The following MGA variants were observed in gnomAD, a reference collection of about 807,000 sequenced individuals.
MGA encodes the protein MAX gene-associated protein.
A neutral mutation model predicts 261.1 loss-of-function variants in MGA; 40 were observed. The observed-to-expected ratio is 0.15, with a 90% CI of 0.12 to 0.20. The LOEUF (loss-of-function observed/expected upper bound fraction) is 0.20. Ranked by LOEUF, MGA falls within the 10% of genes least tolerant of loss-of-function variation. MGA has a pLI of 1.00. For missense variants in MGA, 3,397 were observed against 3,630.5 expected (o/e 0.94, Z 1.65); for synonymous variants, 1,302 against 1,290.6 (o/e 1.01, Z -0.19).
chr15:41,667,509 G>A (rs2057817119), intron 1 of MGA, among the ~76,000 whole-genome samples: 1 of 152,042 alleles, frequency 6.6e-6, no homozygotes, highest in African/African-American at 2.4e-5. Flanking sequence ...GCCTCCCAGA[G>A]TGCTTGGATT....
intron 21 of MGA, 86 bp from the exon 22 acceptor site, chr15:41,762,043 A>G: frequency 8.4e-7 from 1 of 1,192,792 alleles, no homozygotes; most frequent in Non-Finnish European, 1.2e-6. Flanking sequence ...TTGGGAATAT[A>G]GTTAAAGCAA....
intron 1 of MGA, among the ~76,000 whole-genome samples, chr15:41,628,961 A>G (rs940831922): frequency 5.3e-5 from 8 of 152,114 alleles, no homozygotes; most frequent in African/African-American, 1.9e-4. Flanking sequence ...AACATGGTGA[A>G]ACCCTGTCTC....
At chr15:41,707,629 AC>A (rs564479133) in intron 5 of MGA, 98 bp from the exon 6 acceptor site, 37 of 1,138,202 alleles carry the variant, frequency 3.3e-5, no homozygotes, top group African/African-American at 4.8e-5. Flanking sequence ...TCTCGACCTT[AC>A]CCCCCCGCCA....
chr15:41,767,250 G>A lies in MGA; in HGVS notation c.9168G>A (p.Ser3056=), dbSNP rs756918430. The change falls in exon 24 of 24, where the codon TCG becomes TCA. Residue 3056 remains serine, a synonymous_variant. Coordinates refer to ENST00000219905, the MANE Select transcript of MGA (RefSeq NM_001164273.2). ...CTGTTGTGGCTAAATTGGGCAACTC[G>A]GGGGCCTCACCAAGTTCTGCAGGGA... is the stretch of plus-strand genomic sequence containing the variant. 5.6e-6 allele frequency: 9 copies of A among 1,612,494 alleles called. No individual in the cohort carries two copies. The highest frequency in any genetic ancestry group is 3.3e-5 in the South Asian group (3 of 90,970).
chr15:41,656,377 T>TCTCTCTCTCCTCACA (rs1555403733), upstream of MGA, among the ~76,000 whole-genome samples: 1 of 68,276 alleles, frequency 1.5e-5, no homozygotes, highest in African/African-American at 3.8e-5. Flanking sequence ...TCTCTCTCTC[T>TCTCTCTCTCCTCACA]CACACCCAGG....
At chr15:41,641,639 G>A (rs745894929) in intron 1 of MGA, among the ~76,000 whole-genome samples, 4 of 151,696 alleles carry the variant, frequency 2.6e-5, no homozygotes, top group East Asian at 1.9e-4. Context: ...ATAGGTGCGC[G>A]CCACCACGCC....
At chr15:41,713,088 A>G in intron 8 of MGA, 63 bp from the exon 9 acceptor site, 3 of 1,570,052 alleles carry the variant, frequency 1.9e-6, no homozygotes, top group South Asian at 1.2e-5. Flanking sequence ...GTATATGACC[A>G]TAAGTTGGTG....
At chr15:41,691,842 A>G (rs1595738886) in intron 2 of MGA, among the ~76,000 whole-genome samples, 1 of 150,914 alleles carries the variant, frequency 6.6e-6, no homozygotes, top group South Asian at 2.1e-4. Flanking sequence ...TGCTGCTTTC[A>G]GTATTTTTCT....
At chr15:41,734,200 G>A (rs1410667558) in intron 11 of MGA, among the ~76,000 whole-genome samples, 1 of 152,068 alleles carries the variant, frequency 6.6e-6, no homozygotes, top group Non-Finnish European at 1.5e-5. Context: ...GAGCCACCGA[G>A]ACTGGCCTCA....
At chr15:41,652,111 G>A (rs533104991) in intron 1 of MGA, among the ~76,000 whole-genome samples, 2 of 145,092 alleles carry the variant, frequency 1.4e-5, no homozygotes, top group Non-Finnish European at 3.0e-5. Flanking sequence ...GACTACAGGC[G>A]CCTGCCACCT....
rs781754335 is a variant in MGA, at chr15:41,740,130, ATCC to A, written c.4518_4520del (p.Ser1507del). 17 of 1,614,028 alleles carry A rather than the reference ATCC, an allele frequency of 1.1e-5. No individual in the cohort carries two copies. The Admixed American group carries it at 2.5e-4, about 24-fold the overall frequency. On this transcript the variant is annotated inframe_deletion, in exon 14 of 24. Coordinates refer to ENST00000219905, the MANE Select transcript of MGA (RefSeq NM_001164273.2). The stretch of plus-strand genomic sequence containing the variant: ...CTTCAACATCCAATTCCAAAATGGC[ATCC>A]TCCTCTGGCACTGCAACAAATCGCC...
intron 5 of MGA, among the ~76,000 whole-genome samples, chr15:41,704,679 A>C (rs984390662): frequency 6.6e-6 from 1 of 152,140 alleles, no homozygotes; most frequent in Non-Finnish European, 1.5e-5. Context: ...AAAACAAAAA[A>C]AATTGGTGAT....
intron 1 of MGA, among the ~76,000 whole-genome samples, chr15:41,628,333 C>CTCCA (rs2056506733): frequency 6.8e-6 from 1 of 146,152 alleles, no homozygotes; most frequent in African/African-American, 2.6e-5. Context: ...TGCCACTGCT[C>CTCCA]TCCAGCCTGG....
chr15:41,713,427 G>A lies in MGA; in HGVS notation c.3361G>A (p.Glu1121Lys), dbSNP rs779311505. The A allele has an allele frequency of 1.3e-6, 2 of 1,575,750 alleles. No individual in the cohort carries two copies. The highest frequency in any genetic ancestry group is 1.1e-5 in the South Asian group (1 of 87,486). ...TACTCTGGGAGAGGAGGCAAGGGAGGAGGAAGAAGGAATCAGGGAGGAGGA... is the reference window on the plus strand; with the variant it reads ...TACTCTGGGAGAGGAGGCAAGGGAGAAGGAAGAAGGAATCAGGGAGGAGGA... Residue 1121 changes from glutamate (E) to lysine (K), a missense_variant, in exon 9 of 24, where the codon GAG becomes AAG. By Grantham distance (56) the Glu-to-Lys change is moderately conservative (BLOSUM62 1). Coordinates refer to ENST00000219905, the MANE Select transcript of MGA (RefSeq NM_001164273.2).
chr15:41,763,883 C>T (rs974907763), intron 22 of MGA, among the ~76,000 whole-genome samples: 12 of 151,730 alleles, frequency 7.9e-5, no homozygotes, highest in East Asian at 2.0e-4. Context: ...TCTGGCTGGG[C>T]GCAGTGGCTC....
chr15:41,714,876 A>G (rs1340861752), intron 9 of MGA, among the ~76,000 whole-genome samples: 16 of 152,162 alleles, frequency 1.1e-4, no homozygotes. Flanking sequence ...TTTGTTTTAG[A>G]TTTGTATTTC....
In MGA at chr15:41,742,726, T is replaced by G; in HGVS notation, c.4766T>G (p.Val1589Gly). The G allele has an allele frequency of 6.2e-7, 1 of 1,614,024 alleles. No homozygotes were observed. Among genetic ancestry groups the G allele is most frequent in the Non-Finnish European group, 8.5e-7 (1 of 1,179,882 alleles). ...GTGGTTTCTTCTGAGCCAGTTCAGG[T>G]GTGCAGCCCTGTGACTGCTGCTGTC... The change falls in exon 15 of 24, where the codon GTG becomes GGG. Residue 1589 changes from valine (V) to glycine (G), a missense_variant. This residue lies in a region of MGA where 1,410 missense variants were observed against 1,386.4 expected (regional missense o/e 1.02). Transcript: ENST00000219905.
In MGA at chr15:41,696,561, G is replaced by C. The variant is rs1566990242; in HGVS notation, c.1551G>C (p.Glu517Asp). 1 of 1,613,962 alleles carries C rather than the reference G, an allele frequency of 6.2e-7. No homozygotes were observed. Among genetic ancestry groups the C allele is most frequent in the Non-Finnish European group, 8.5e-7 (1 of 1,179,892 alleles). The change falls in exon 3 of 24, where the codon GAG becomes GAC. Residue 517 changes from glutamate to aspartate, a missense_variant. Physicochemically the swap from Glu to Asp is conservative, Grantham distance 45. Transcript: ENST00000219905. ...CTACATACATTGAAAATTCCAATGAGACTGCCTTCTGCTTAGGCAAGGAAT... is the reference window on the plus strand; with the variant it reads ...CTACATACATTGAAAATTCCAATGACACTGCCTTCTGCTTAGGCAAGGAAT...
chr15:41,726,595 G>A (rs1341604360), intron 9 of MGA, among the ~76,000 whole-genome samples: 5 of 151,894 alleles, frequency 3.3e-5, no homozygotes, highest in African/African-American at 1.2e-4. Context: ...CAGGTGTGGT[G>A]GCATATACCT....
Sources: allele counts gnomAD v4.1 joint callset (sites outside exome capture counted in the v4.1 genomes callset), GRCh38; gene constraint gnomAD v4.1.1; regional missense constraint gnomAD v4.1.1; transcripts MANE v1.5; gene names NCBI Gene and HGNC (gene_info 2026-07-23, HGNC 2026-07-21).